Variants in CA10 observed in about 807,000 individuals in gnomAD.
CA10 encodes the protein carbonic anhydrase-related protein 10.
CA10 carries 14 observed loss-of-function variants against 44.2 expected under a neutral mutation model. The observed-to-expected ratio is 0.32, with a 90% CI of 0.21 to 0.50. The LOEUF (loss-of-function observed/expected upper bound fraction) is 0.50, where lower values mean the gene tolerates loss of function less well. Ranked by LOEUF, CA10 falls within the 20% of genes least tolerant of loss-of-function variation. The pLI is 0.99. For missense variants in CA10, 350 were observed against 409.7 expected (o/e 0.85, Z 1.26); for synonymous variants, 159 against 141.6 (o/e 1.12, Z -0.87).
chr17:51,818,670 T>A (rs1907658944), intron 3 of CA10, among the ~76,000 whole-genome samples: 1 of 152,202 alleles, frequency 6.6e-6, no homozygotes, highest in Non-Finnish European at 1.5e-5. Context: ...AATGTGTTCC[T>A]TTTCTTTCAG....
intron 1 of CA10, among the ~76,000 whole-genome samples, chr17:52,088,145 G>A (rs1988167289): frequency 6.6e-6 from 1 of 152,026 alleles, no homozygotes; most frequent in Non-Finnish European, 1.5e-5. Context: ...TACCACCTGG[G>A]TGATGAAATA....
intron 3 of CA10, among the ~76,000 whole-genome samples, chr17:51,756,624 C>T (rs927890820): frequency 1.3e-5 from 2 of 151,968 alleles, no homozygotes; most frequent in African/African-American, 2.4e-5. Flanking sequence ...CGCCCGCCAC[C>T]ATGCCTGGCT....
chr17:52,014,979 A>G (rs1985923199), intron 2 of CA10, among the ~76,000 whole-genome samples: 1 of 152,068 alleles, frequency 6.6e-6, no homozygotes, highest in South Asian at 2.1e-4. Flanking sequence ...AATAAACTAT[A>G]CCTACATATA....
Position 51,953,483 on chromosome 17 carries a change from A to G in CA10, c.137-22351T>C, listed in dbSNP as rs572948038. ...TTTTTTTTTTAATTTGAACTTTGTT[A>G]TCAGAATGTCTAGATTTCCTGCTGG... On this transcript the variant is annotated intron_variant, in intron 2 of 8. Transcript: ENST00000451037. 3.4e-4 allele frequency among the ~76,000 whole-genome samples: 51 copies of G among 149,868 alleles called. No homozygotes were observed. The South Asian group carries it at 9.8e-3, about 29-fold the overall frequency.
At chr17:51,949,189 AT>A (rs1983394092) in intron 2 of CA10, among the ~76,000 whole-genome samples, 1 of 152,174 alleles carries the variant, frequency 6.6e-6, no homozygotes, top group Non-Finnish European at 1.5e-5. Flanking sequence ...CTATCAAACA[AT>A]TAAGATGCAA....
In CA10 at chr17:51,941,068, A is replaced by G. The variant is rs112957984; in HGVS notation, c.137-9936T>C. 2.8e-3 allele frequency among the ~76,000 whole-genome samples: 430 copies of G among 152,276 alleles called. 3 individuals carry two copies. Among genetic ancestry groups the G allele is most frequent in the African/African-American group, 0.01 (417 of 41,570 alleles). On this transcript the variant is annotated intron_variant, in intron 2 of 8. Coordinates refer to ENST00000451037, the MANE Select transcript of CA10 (RefSeq NM_020178.5). The stretch of plus-strand genomic sequence containing the variant: ...CCCAAAGATGGGTACTAGTTTTCCC[A>G]TTTTACAGATAGGAAACTGAGGCTC...
intron 1 of CA10, among the ~76,000 whole-genome samples, chr17:52,091,783 C>G (rs570726878): frequency 1.3e-5 from 2 of 152,248 alleles, no homozygotes; most frequent in Admixed American, 1.3e-4. Flanking sequence ...AAATGGCAAA[C>G]ACTTTAGGGA....
intron 2 of CA10, among the ~76,000 whole-genome samples, chr17:52,023,931 T>A (rs907129495): frequency 6.6e-6 from 1 of 152,164 alleles, no homozygotes; most frequent in Non-Finnish European, 1.5e-5. Context: ...AGTTTTACTA[T>A]GTTTTACCTA....
chr17:51,745,486 C>T (rs1035679032), intron 4 of CA10, among the ~76,000 whole-genome samples: 33 of 152,148 alleles, frequency 2.2e-4, no homozygotes, highest in African/African-American at 4.8e-4. Flanking sequence ...CAAACCTAAT[C>T]GTCAGACTCT....
chr17:52,022,221 C>G (rs1225766130), intron 2 of CA10, among the ~76,000 whole-genome samples: 1 of 152,084 alleles, frequency 6.6e-6, no homozygotes, highest in Admixed American at 6.6e-5. Context: ...TACTAGCAAG[C>G]TGAAATCCAG....
At chr17:51,810,449 A>G (rs979505154) in intron 3 of CA10, among the ~76,000 whole-genome samples, 5 of 152,130 alleles carry the variant, frequency 3.3e-5, no homozygotes, top group Non-Finnish European at 7.3e-5. Context: ...TTAAAGTATG[A>G]GCAAGTTCTG....
intron 2 of CA10, among the ~76,000 whole-genome samples, chr17:51,943,970 A>G (rs994278021): frequency 7.9e-5 from 12 of 152,066 alleles, no homozygotes; most frequent in Non-Finnish European, 1.5e-4. Context: ...ACAGAACAGT[A>G]TCTCCTGGTG....
At position 51,653,769 on chromosome 17, in the gene CA10, T is replaced by C. The variant is rs1353081113; in HGVS notation, c.466-33A>G. ...GAGGGAAAAACAAGAATCAGAACAA[T>C]AATCCAACATTAAAAGGTATGAGGC... On this transcript the variant is annotated intron_variant, in intron 4 of 8. Transcript: ENST00000451037. 3 of 1,264,812 alleles carry C rather than the reference T, an allele frequency of 2.4e-6. 1 individual carries two copies. The South Asian group carries it at 3.6e-5, about 15-fold the overall frequency. The allele number at this position is 1,264,812 out of a possible 1,614,324, so 78.3% of individuals were successfully genotyped here.
chr17:51,800,247 A>G lies in CA10; in HGVS notation c.280-52429T>C, dbSNP rs139671155. On this transcript the variant is annotated intron_variant, in intron 3 of 8. Transcript: ENST00000451037. ...TTACGTTAAATGCAGGAAAACAGAC[A>G]CAAACGGCTACGTATGATTCCATTT... Among the ~76,000 whole-genome samples the G allele has an allele frequency of 4.0e-3, 616 of 152,360 alleles. 4 individuals are homozygous for G. Among genetic ancestry groups the G allele is most frequent in the African/African-American group, 0.014 (591 of 41,596 alleles).
rs1209972979 is a variant in CA10 at position 51,717,670 on chromosome 17, T to C, written c.465+29963A>G. 6.7e-5 allele frequency among the ~76,000 whole-genome samples: 6 copies of C among 90,138 alleles called. 1 individual carries two copies. Among genetic ancestry groups the C allele is most frequent in the Non-Finnish European group, 8.9e-5 (4 of 44,790 alleles). The allele number at this position is 90,138 out of a possible 152,430, so 59.1% of individuals were successfully genotyped here. A position where few individuals can be genotyped will look rare whatever the true frequency, so the allele number is the denominator to read the frequency against. On this transcript the variant is annotated intron_variant, in intron 4 of 8. Coordinates refer to ENST00000451037, the MANE Select transcript of CA10 (RefSeq NM_020178.5). ...ATACATATATACGTATATATACATGTATATATGTATATATGTATACATATA... is the reference window on the plus strand; with the variant it reads ...ATACATATATACGTATATATACATGCATATATGTATATATGTATACATATA...
At chr17:51,748,485 G>A in intron 3 of CA10, 1 of 985,388 alleles carries the variant, frequency 1.0e-6, no homozygotes, top group Non-Finnish European at 1.2e-6. Context: ...TGACTGCTTG[G>A]CATTCCTTTT....
At chr17:51,899,117 C>T (rs56024100) in intron 3 of CA10, among the ~76,000 whole-genome samples, 8,423 of 151,708 alleles carry the variant, frequency 0.056, 270 homozygotes, top group African/African-American at 0.088. Context: ...TTTTCTTGTT[C>T]CTCTAGTTGA....
At chr17:51,912,638 C>A (rs1482139585) in intron 3 of CA10, among the ~76,000 whole-genome samples, 1 of 152,136 alleles carries the variant, frequency 6.6e-6, no homozygotes, top group Non-Finnish European at 1.5e-5. Flanking sequence ...AGGCAGATTA[C>A]CTGACTCCAA....
intron 4 of CA10, among the ~76,000 whole-genome samples, chr17:51,734,435 T>C (rs1440985992): frequency 6.6e-6 from 1 of 152,170 alleles, no homozygotes; most frequent in Non-Finnish European, 1.5e-5. Flanking sequence ...ATATGATTCA[T>C]TGTGCAAACT....
Sources: allele counts gnomAD v4.1 joint callset (sites outside exome capture counted in the v4.1 genomes callset), GRCh38; gene constraint gnomAD v4.1.1; transcripts MANE v1.5; gene names NCBI Gene and HGNC (gene_info 2026-07-23, HGNC 2026-07-21).